The following SPNS3 variants were observed in gnomAD, a reference collection of about 807,000 sequenced individuals.
SPNS3 encodes the protein SPNS lysolipid transporter 3, sphingosine-1-phosphate (putative), also known as protein spinster homolog 3.
SPNS3 carries 51 observed loss-of-function variants against 54.4 expected under a neutral mutation model. That is an observed-to-expected ratio of 0.94 (90% CI 0.75 to 1.18). The LOEUF is 1.18. Among genes scored for constraint, SPNS3 ranks in the 50% most tolerant of loss-of-function variants. The probability of loss-of-function intolerance (pLI) is 0.00; values close to 1 mark genes in which losing one functional copy is unlikely to be tolerated. For missense variants in SPNS3, 669 were observed against 677.4 expected, an observed-to-expected ratio of 0.99 and a Z score of 0.14; for synonymous variants, 309 against 294.7, an observed-to-expected ratio of 1.05 and a Z score of -0.50.
At chr17:4,436,055 G>T (rs933159140) in intron 1 of SPNS3, among the ~76,000 whole-genome samples, 3 of 151,862 alleles carry the variant, frequency 2.0e-5, no homozygotes, top group Non-Finnish European at 4.4e-5. Flanking sequence ...TGGCTGCTGT[G>T]GACCCAGGGA....
intron 1 of SPNS3, among the ~76,000 whole-genome samples, chr17:4,435,091 T>C (rs1236401781): frequency 6.6e-6 from 1 of 152,008 alleles, no homozygotes; most frequent in African/African-American, 2.4e-5. Context: ...CATGAGCCCC[T>C]GCGCCCAGCC....
Position 4,486,291 on chromosome 17 carries a change from C to G in SPNS3, c.1243C>G (p.Leu415Val), listed in dbSNP as rs372100583. The G allele has an allele frequency of 1.3e-6, 2 of 1,595,078 alleles. No homozygotes were observed. Among genetic ancestry groups the G allele is most frequent in the South Asian group, 2.3e-5 (2 of 88,444 alleles). ...EALQITVGHI[L>V]GDAGSPYLTG... ...ACTTCAGATCACGGTGGGCCACATC[C>G]TGGGAGACGCTGGCAGCCCCTATCT... The change falls in exon 10 of 12, where the codon CTG becomes GTG. Residue 415 changes from leucine to valine, a missense_variant. By Grantham distance (32) the Leu-to-Val change is conservative. Coordinates refer to ENST00000355530, the MANE Select transcript of SPNS3 (RefSeq NM_182538.5). The surrounding 1 kb of genome is among the most constrained non-coding windows in gnomAD (Gnocchi z 5.5).
chr17:4,450,208 C>T (rs1029745030), intron 7 of SPNS3, among the ~76,000 whole-genome samples: 1 of 151,956 alleles, frequency 6.6e-6, no homozygotes, highest in African/African-American at 2.4e-5. Flanking sequence ...CGACACTCGT[C>T]CTCTGCTGAC....
At chr17:4,478,771 C>G in intron 9 of SPNS3, 134 bp downstream of exon 9, 2 of 833,558 alleles carry the variant, frequency 2.4e-6, no homozygotes, top group South Asian at 1.7e-5. Flanking sequence ...TCACGGTTAT[C>G]TTGGACCAGA....
chr17:4,473,957 A>G (rs1025430438), intron 8 of SPNS3, among the ~76,000 whole-genome samples: 3 of 151,894 alleles, frequency 2.0e-5, no homozygotes. Context: ...GCCCTTAGAG[A>G]GCCTCTTGGA....
intron 7 of SPNS3, among the ~76,000 whole-genome samples, chr17:4,450,338 C>T (rs78013880): frequency 8.0e-5 from 10 of 124,932 alleles, no homozygotes; most frequent in African/African-American, 2.6e-4. Flanking sequence ...CCTCCCTCTC[C>T]CTCTCCCTCT....
chr17:4,456,373 A>G (rs1245558265), intron 8 of SPNS3, among the ~76,000 whole-genome samples: 1 of 152,130 alleles, frequency 6.6e-6, no homozygotes, highest in African/African-American at 2.4e-5. Flanking sequence ...ACCTCTCTTG[A>G]GATGTGGGCA....
rs11655342 is a variant in SPNS3 at position 4,453,080 on chromosome 17, G to T, written c.988G>T (p.Ala330Ser). The change falls in exon 8 of 12, where the codon GCG becomes TCG. Residue 330 changes from alanine (A) to serine (S), a missense_variant. Ala to Ser is a moderately conservative substitution (Grantham distance 99). Coordinates refer to ENST00000355530, the MANE Select transcript of SPNS3 (RefSeq NM_182538.5). ...TGGGGTCATCTTGGGGGCAGAAGCT[G>T]CGAGGAGGTACAAGAAAGTCATTCC... ...VIGVILGAEA[A>S]RRYKKVIPGA... is the part of the protein sequence containing the mutation. The T allele has an allele frequency of 0.35, 564,447 of 1,613,724 alleles. 105,250 individuals carry two copies. Among genetic ancestry groups the T allele is most frequent in the Admixed American group, 0.47 (28,325 of 59,956 alleles).
At chr17:4,453,450 C>T (rs1231501144) in intron 8 of SPNS3, among the ~76,000 whole-genome samples, 2 of 152,172 alleles carry the variant, frequency 1.3e-5, no homozygotes. Context: ...AACCCTGTCT[C>T]TACTAAAAAT....
chr17:4,462,908 A>T (rs1971575743), intron 8 of SPNS3, among the ~76,000 whole-genome samples: 1 of 126,280 alleles, frequency 7.9e-6, no homozygotes, highest in South Asian at 2.5e-4. Flanking sequence ...CACTTCTCAG[A>T]TGGCAGGAAC....
At position 4,434,072 on chromosome 17, in the gene SPNS3, C is replaced by T. The variant is rs752512567; in HGVS notation, c.105C>T (p.Thr35=). ...GRQCPPPITP[T]SWSLPPWRAY... ...AGTGTCCCCCTCCCATCACGCCCACCTCCTGGAGCCTGCCCCCGTGGAGGG... is the reference window on the plus strand; with the variant it reads ...AGTGTCCCCCTCCCATCACGCCCACTTCCTGGAGCCTGCCCCCGTGGAGGG... The change falls in exon 1 of 12, where the codon ACC becomes ACT. Residue 35 remains threonine (T), a synonymous_variant. Coordinates refer to ENST00000355530, the MANE Select transcript of SPNS3 (RefSeq NM_182538.5). 1 of 1,611,936 alleles carries T rather than the reference C, an allele frequency of 6.2e-7. No homozygotes were observed. The highest frequency in any genetic ancestry group is 1.1e-5 in the South Asian group (1 of 90,802).
At chr17:4,468,011 C>T (rs1303205674) in intron 8 of SPNS3, among the ~76,000 whole-genome samples, 3 of 152,204 alleles carry the variant, frequency 2.0e-5, no homozygotes, top group East Asian at 3.8e-4. Flanking sequence ...GGTATAAGGC[C>T]ACCCCCAGTT....
rs184863528 is a variant in SPNS3 at position 4,470,030 on chromosome 17, C to T, written c.1114-8542C>T. 1.8e-4 allele frequency among the ~76,000 whole-genome samples: 27 copies of T among 152,260 alleles called. No individual in the cohort carries two copies. The East Asian group carries it at 2.1e-3, about 12-fold the overall frequency. On this transcript the variant is annotated intron_variant, in intron 8 of 11. Coordinates refer to ENST00000355530, the MANE Select transcript of SPNS3 (RefSeq NM_182538.5). ...AATTAGGTAACCGTCATTCCGTACA[C>T]GTGTCTCTCTATACATTCACAGGCT...
At chr17:4,448,681 C>G (rs1261202624) in intron 6 of SPNS3, among the ~76,000 whole-genome samples, 3 of 152,250 alleles carry the variant, frequency 2.0e-5, no homozygotes, top group African/African-American at 7.2e-5. Context: ...TCATCACTCA[C>G]CTCTCCAAGC....
chr17:4,450,106 C>T (rs924708052), intron 7 of SPNS3, among the ~76,000 whole-genome samples: 5 of 151,906 alleles, frequency 3.3e-5, no homozygotes, highest in African/African-American at 9.7e-5. Context: ...TTGCAGTCCC[C>T]TCCTCCTCTC....
At chr17:4,481,336 A>G (rs1424652559) in intron 9 of SPNS3, among the ~76,000 whole-genome samples, 1 of 151,970 alleles carries the variant, frequency 6.6e-6, no homozygotes, top group African/African-American at 2.4e-5. Context: ...GGTCTGTGGC[A>G]GGAAGTAGAG....
intron 9 of SPNS3, among the ~76,000 whole-genome samples, chr17:4,480,551 C>T (rs988098113): frequency 1.2e-4 from 19 of 152,216 alleles, no homozygotes; most frequent in Non-Finnish European, 1.0e-4. Flanking sequence ...CATGACAGCC[C>T]CACAGATATG....
At chr17:4,463,396 CAA>C (rs368770425) in intron 8 of SPNS3, among the ~76,000 whole-genome samples, 4 of 122,124 alleles carry the variant, frequency 3.3e-5, no homozygotes, top group Admixed American at 8.7e-5. Flanking sequence ...GACTCTGTCT[CAA>C]AAAAAAAAAA....
intron 8 of SPNS3, among the ~76,000 whole-genome samples, chr17:4,458,301 G>T (rs1249081998): frequency 6.6e-6 from 1 of 152,004 alleles, no homozygotes; most frequent in Admixed American, 6.6e-5. Flanking sequence ...TAGCTTGCTT[G>T]CTTTTTCTTT....
Sources: allele counts gnomAD v4.1 joint callset (sites outside exome capture counted in the v4.1 genomes callset), GRCh38; gene constraint gnomAD v4.1.1; non-coding constraint Gnocchi (gnomAD v3.1); transcripts MANE v1.5; gene names NCBI Gene and HGNC (gene_info 2026-07-23, HGNC 2026-07-21).